Variants in KIF2B observed in about 807,000 individuals in gnomAD.
The protein encoded by KIF2B is kinesin family member 2B.
Under a neutral mutation model 6.8 loss-of-function variants are expected in KIF2B, and 5 were observed. The ratio of observed to expected loss-of-function variants is 0.74; its 90% CI spans 0.39 to 1.55. KIF2B has a LOEUF of 1.55. Among genes scored for constraint, KIF2B ranks in the 40% most tolerant of loss-of-function variants. The probability of loss-of-function intolerance (pLI) is 0.03; values close to 1 mark genes in which losing one functional copy is unlikely to be tolerated. For synonymous variants in KIF2B, 370 were observed against 330.7 expected, an observed-to-expected ratio of 1.12 and a Z score of -1.29; for missense variants, 908 against 831.3, an observed-to-expected ratio of 1.09 and a Z score of -1.13.
chr17:53,825,105 AC>A lies in KIF2B; in HGVS notation c.*52del. Reference sequence around the variant, plus strand: ...GAAATGCTGCATTGCTGCAGTTTCCACCACTCTTATACAGGAAAACTGTCCA... The same window carrying A: ...GAAATGCTGCATTGCTGCAGTTTCCACACTCTTATACAGGAAAACTGTCCA... On this transcript the variant is annotated 3_prime_UTR_variant, in exon 1 of 1. Transcript: ENST00000268919. 1 of 1,347,396 alleles carries A rather than the reference AC, an allele frequency of 7.4e-7. No individual in the cohort carries two copies. The highest frequency in any genetic ancestry group is 1.0e-6 in the Non-Finnish European group (1 of 971,454). 83.5% of individuals were successfully genotyped at this position (1,347,396 alleles called of 1,614,324 possible).
At position 53,824,453 on chromosome 17, in the gene KIF2B, A is replaced by G; in HGVS notation, c.1420A>G (p.Ser474Gly). The change falls in exon 1 of 1, where the codon AGT (serine) becomes GGT (glycine). Residue 474 changes from serine to glycine, a missense_variant. Ser to Gly is a moderately conservative substitution (Grantham distance 56). Coordinates refer to ENST00000268919, the MANE Select transcript of KIF2B (RefSeq NM_032559.5). ...GCTGGAAGGGGCAGAGATTAACAAGAGTCTTCTAGCCCTCAAAGAATGTAT... is the reference window on the plus strand; with the variant it reads ...GCTGGAAGGGGCAGAGATTAACAAGGGTCTTCTAGCCCTCAAAGAATGTAT... ...RQLEGAEINK[S>G]LLALKECILA... The G allele has an allele frequency of 6.2e-7, 1 of 1,614,124 alleles. No homozygotes were observed. The highest frequency in any genetic ancestry group is 8.5e-7 in the Non-Finnish European group (1 of 1,180,016).
At position 53,825,125 on chromosome 17, in the gene KIF2B, C is replaced by A; in HGVS notation, c.*70C>A. 2.0e-6 allele frequency: 2 copies of A among 999,796 alleles called. No homozygotes were observed. The highest frequency in any genetic ancestry group is 2.8e-6 in the Non-Finnish European group (2 of 711,010). 61.9% of individuals were successfully genotyped at this position (999,796 alleles called of 1,614,324 possible). On this transcript the variant is annotated 3_prime_UTR_variant, in exon 1 of 1. Coordinates refer to ENST00000268919, the MANE Select transcript of KIF2B (RefSeq NM_032559.5). ...TTTCCACCACTCTTATACAGGAAAA[C>A]TGTCCAAATTATCTAAAGATCCTCC... is the stretch of plus-strand genomic sequence containing the variant.
chr17:53,823,970 A>G lies in KIF2B; in HGVS notation c.937A>G (p.Met313Val), dbSNP rs1227693961. ...GQTGSGKTYTMGGDFSGTAQD... is the reference protein window; with the variant it reads ...GQTGSGKTYTVGGDFSGTAQD... ...GACGGGAAGTGGGAAGACGTACACC[A>G]TGGGTGGAGACTTTTCAGGAACGGC... Residue 313 changes from methionine to valine, a missense_variant, in exon 1 of 1, where the codon ATG becomes GTG. Transcript: ENST00000268919. 1.9e-6 allele frequency: 3 copies of G among 1,614,222 alleles called. No individual in the cohort carries two copies. Among genetic ancestry groups the G allele is most frequent in the Admixed American group, 1.7e-5 (1 of 60,020 alleles).
Position 53,823,102 on chromosome 17 carries a change from C to T in KIF2B, c.69C>T (p.Phe23=), listed in dbSNP as rs777744072. The change falls in exon 1 of 1, where the codon TTC becomes TTT. Residue 23 remains phenylalanine, a synonymous_variant. Coordinates refer to ENST00000268919, the MANE Select transcript of KIF2B (RefSeq NM_032559.5). ...LSPLKPLKPH[F]GDIQEGIYVA... Reference sequence around the variant, plus strand: ...CCCTGAAACCCTTGAAGCCACATTTCGGAGACATCCAAGAGGGCATCTACG... The same window carrying T: ...CCCTGAAACCCTTGAAGCCACATTTTGGAGACATCCAAGAGGGCATCTACG... 52 of 1,614,066 alleles carry T rather than the reference C, an allele frequency of 3.2e-5. No homozygotes were observed. The highest frequency in any genetic ancestry group is 4.2e-5 in the Non-Finnish European group (49 of 1,180,046).
Position 53,823,793 on chromosome 17 carries a change from G to T in KIF2B, c.760G>T (p.Asp254Tyr), listed in dbSNP as rs142732898. The stretch of plus-strand genomic sequence containing the variant: ...GGTGCATGAGTCCAAGCAAAAGGTG[G>T]ACCTCACTCGCTACCTGCAGAACCA... ...VMVHESKQKV[D>Y]LTRYLQNQTF... The change falls in exon 1 of 1, where the codon GAC (aspartate) becomes TAC (tyrosine). Residue 254 changes from aspartate to tyrosine, a missense_variant. Physicochemically the swap from Asp to Tyr is radical, Grantham distance 160. Transcript: ENST00000268919. 1.5e-4 allele frequency: 250 copies of T among 1,614,176 alleles called. 1 individual carries two copies. The African/African-American group carries it at 3.0e-3, about 19-fold the overall frequency.
Position 53,823,716 on chromosome 17 carries a change from C to A in KIF2B, c.683C>A (p.Thr228Lys), listed in dbSNP as rs2143781296. The change falls in exon 1 of 1, where the codon ACA becomes AAA. Residue 228 changes from threonine (T) to lysine (K), a missense_variant. Transcript: ENST00000268919. ...VRKRPLNQRETTLKDLDIITV... is the reference protein window; with the variant it reads ...VRKRPLNQREKTLKDLDIITV... ...AAGCGGCCTCTCAACCAGCGAGAGA[C>A]AACCTTAAAGGACCTGGATATCATC... 1 of 1,614,198 alleles carries A rather than the reference C, an allele frequency of 6.2e-7. No homozygotes were observed. Among genetic ancestry groups the A allele is most frequent in the Non-Finnish European group, 8.5e-7 (1 of 1,180,034 alleles).
At position 53,823,924 on chromosome 17, in the gene KIF2B, C is replaced by T. The variant is rs1472497943; in HGVS notation, c.891C>T (p.Ala297=). 2 of 1,614,104 alleles carry T rather than the reference C, an allele frequency of 1.2e-6. No homozygotes were observed. The highest frequency in any genetic ancestry group is 1.7e-6 in the Non-Finnish European group (2 of 1,180,058). ...LVESIFRKGM[A]TCFAYGQTGS... Reference sequence around the variant, plus strand: ...AGTCCATCTTCCGCAAGGGCATGGCCACCTGCTTTGCCTATGGGCAGACGG... The same window carrying T: ...AGTCCATCTTCCGCAAGGGCATGGCTACCTGCTTTGCCTATGGGCAGACGG... The change falls in exon 1 of 1, where the codon GCC becomes GCT. Residue 297 remains alanine, a synonymous_variant. Coordinates refer to ENST00000268919, the MANE Select transcript of KIF2B (RefSeq NM_032559.5).
chr17:53,823,075 GC>G lies in KIF2B; in HGVS notation c.46del (p.Leu16Ter), dbSNP rs771625502. ...FCLPESPCLSPLKPLKPHFGD... is the reference protein window; with the variant it reads ...FCLPESPCLSXLKPLKPHFGD... ...GCCTCCCTGAATCCCCATGTCTCTC[GC>G]CCCTGAAACCCTTGAAGCCACATTT... On this transcript the variant is annotated frameshift_variant, in exon 1 of 1. Transcript: ENST00000268919. LOFTEE classifies it low-confidence loss of function (END_TRUNC). 6.2e-7 allele frequency: 1 copy of G among 1,614,028 alleles called. No individual in the cohort carries two copies. The highest frequency in any genetic ancestry group is 8.5e-7 in the Non-Finnish European group (1 of 1,180,002).
In KIF2B at chr17:53,824,800, T is replaced by G; in HGVS notation, c.1767T>G (p.Ser589Arg). ...TTATTAAAATACCTTATGTACAGAGTGAGGAGCAGAAAGAGATTGAAGAGG... is the reference window on the plus strand; with the variant it reads ...TTATTAAAATACCTTATGTACAGAGGGAGGAGCAGAAAGAGATTGAAGAGG... ...DEFIKIPYVQ[S>R]EEQKEIEEVE... Residue 589 changes from serine (S) to arginine (R), a missense_variant, in exon 1 of 1, where the codon AGT (serine) becomes AGG (arginine). Ser to Arg is a moderately radical substitution (Grantham distance 110). Coordinates refer to ENST00000268919, the MANE Select transcript of KIF2B (RefSeq NM_032559.5). The G allele has an allele frequency of 1.9e-6, 3 of 1,613,514 alleles. No individual in the cohort carries two copies. The highest frequency in any genetic ancestry group is 4.5e-5 in the East Asian group (2 of 44,862).
chr17:53,823,248 AC>A lies in KIF2B; in HGVS notation c.217del (p.Leu73TrpfsTer7). ...EKAVKKGKKI[D>X]LETILLLNPA... ...GCAGTCAAAAAAGGCAAGAAGATTGACCTGGAGACCATACTCCTGCTGAATC... is the reference window on the plus strand; with the variant it reads ...GCAGTCAAAAAAGGCAAGAAGATTGACTGGAGACCATACTCCTGCTGAATC... On this transcript the variant is annotated frameshift_variant, in exon 1 of 1. Coordinates refer to ENST00000268919, the MANE Select transcript of KIF2B (RefSeq NM_032559.5). LOFTEE classifies it low-confidence loss of function (END_TRUNC). 1 of 1,614,138 alleles carries A rather than the reference AC, an allele frequency of 6.2e-7. No individual in the cohort carries two copies. Among genetic ancestry groups the A allele is most frequent in the Non-Finnish European group, 8.5e-7 (1 of 1,180,020 alleles).
rs2143777632 is a variant in KIF2B, at chr17:53,823,095, C to T, written c.62C>T (p.Pro21Leu). ...PCLSPLKPLK[P>L]HFGDIQEGIY... ...CTCTCGCCCCTGAAACCCTTGAAGC[C>T]ACATTTCGGAGACATCCAAGAGGGC... is the stretch of plus-strand genomic sequence containing the variant. The change falls in exon 1 of 1, where the codon CCA becomes CTA. Residue 21 changes from proline to leucine, a missense_variant. Transcript: ENST00000268919. The T allele has an allele frequency of 1.2e-6, 2 of 1,614,202 alleles. No individual in the cohort carries two copies. The highest frequency in any genetic ancestry group is 1.7e-6 in the Non-Finnish European group (2 of 1,180,044).
rs182252239 is a variant in KIF2B at position 53,824,993 on chromosome 17, G to T, written c.1960G>T (p.Glu654Ter). ...ILEQKIDALT[E>*]IQKKLKLLLA... The stretch of plus-strand genomic sequence containing the variant: ...GGAGCAGAAAATTGATGCTCTGACC[G>T]AGATCCAAAAGAAACTGAAATTATT... The change falls in exon 1 of 1, where the codon GAG (glutamate) becomes TAG (stop). Residue 654 changes from glutamate to a stop codon, truncating the protein, a stop_gained. Transcript: ENST00000268919. LOFTEE classifies it high-confidence loss of function. 1.2e-5 allele frequency: 19 copies of T among 1,613,804 alleles called. No individual in the cohort carries two copies. Among genetic ancestry groups the T allele is most frequent in the Non-Finnish European group, 1.4e-5 (17 of 1,179,978 alleles).
Position 53,824,619 on chromosome 17 carries a change from A to G in KIF2B, c.1586A>G (p.Asn529Ser), listed in dbSNP as rs2143786164. The change falls in exon 1 of 1, where the codon AAC becomes AGC. Residue 529 changes from asparagine (N) to serine (S), a missense_variant. Transcript: ENST00000268919. ...TCTCCGGGGATGACCTCTTGTGAAAACACTCTCAACACTTTAAGATATGCA... is the reference window on the plus strand; with the variant it reads ...TCTCCGGGGATGACCTCTTGTGAAAGCACTCTCAACACTTTAAGATATGCA... ...TISPGMTSCE[N>S]TLNTLRYANR... 1 of 1,614,110 alleles carries G rather than the reference A, an allele frequency of 6.2e-7. No homozygotes were observed. Among genetic ancestry groups the G allele is most frequent in the South Asian group, 1.1e-5 (1 of 91,078 alleles).
Position 53,823,039 on chromosome 17 carries a change from C to T in KIF2B, c.6C>T (p.Ala2=), listed in dbSNP as rs770984978. ...TGATACCTCCATCACTCACCATGGC[C>T]AGCCAGTTCTGCCTCCCTGAATCCC... The part of the protein sequence containing the change: M[A]SQFCLPESPC... The change falls in exon 1 of 1, where the codon GCC becomes GCT. Residue 2 remains alanine, a synonymous_variant. Transcript: ENST00000268919. 1.1e-5 allele frequency: 17 copies of T among 1,612,854 alleles called. No homozygotes were observed. The highest frequency in any genetic ancestry group is 1.6e-4 in the Middle Eastern group (1 of 6,078).
Position 53,824,661 on chromosome 17 carries a change from T to G in KIF2B, c.1628T>G (p.Leu543Ter). Residue 543 changes from leucine to a stop codon, truncating the protein, a stop_gained, in exon 1 of 1, where the codon TTA becomes TGA. Transcript: ENST00000268919. LOFTEE classifies it low-confidence loss of function (END_TRUNC). Reference sequence around the variant, plus strand: ...AGATATGCAAACAGAGTAAAAAAATTAAATGTAGATGTAAGGCCCTACCAT... The same window carrying G: ...AGATATGCAAACAGAGTAAAAAAATGAAATGTAGATGTAAGGCCCTACCAT... ...TLRYANRVKK[L>*]NVDVRPYHRG... 2 of 1,614,034 alleles carry G rather than the reference T, an allele frequency of 1.2e-6. No homozygotes were observed. Among genetic ancestry groups the G allele is most frequent in the Non-Finnish European group, 1.7e-6 (2 of 1,180,022 alleles).
Position 53,824,194 on chromosome 17 carries a change from C to G in KIF2B, c.1161C>G (p.Val387=). 1 of 1,614,080 alleles carries G rather than the reference C, an allele frequency of 6.2e-7. No individual in the cohort carries two copies. The highest frequency in any genetic ancestry group is 1.7e-5 in the Admixed American group (1 of 60,008). ...LEDGNQQIQV[V]GLQEKEVCCV... ...ATGGCAATCAGCAAATCCAAGTGGT[C>G]GGGCTGCAGGAGAAAGAGGTGTGTT... Residue 387 remains valine, a synonymous_variant, in exon 1 of 1, where the codon GTC becomes GTG. Coordinates refer to ENST00000268919, the MANE Select transcript of KIF2B (RefSeq NM_032559.5).
At position 53,825,043 on chromosome 17, in the gene KIF2B, CA is replaced by C. The variant is rs1906531540; in HGVS notation, c.2012del (p.Lys671ArgfsTer2). On this transcript the variant is annotated frameshift_variant, in exon 1 of 1. Coordinates refer to ENST00000268919, the MANE Select transcript of KIF2B (RefSeq NM_032559.5). LOFTEE classifies it high-confidence loss of function. ...LLLADLHVKS[K>X]VE ...TACTAGCTGACCTCCACGTGAAGAGCAAGGTAGAGTGAAGCCAATGGCGAGA... is the reference window on the plus strand; with the variant it reads ...TACTAGCTGACCTCCACGTGAAGAGCAGGTAGAGTGAAGCCAATGGCGAGA... 3.7e-6 allele frequency: 6 copies of C among 1,606,664 alleles called. No individual in the cohort carries two copies. The East Asian group carries it at 1.3e-4, about 36-fold the overall frequency.
rs1489009342 is a variant in KIF2B, at chr17:53,825,041, A to G, written c.2008A>G (p.Ser670Gly). The G allele has an allele frequency of 1.2e-6, 2 of 1,607,050 alleles. No homozygotes were observed. The highest frequency in any genetic ancestry group is 2.2e-5 in the South Asian group (2 of 89,644). Reference protein sequence around the residue: ...KLLLADLHVKSKVE With the variant: ...KLLLADLHVKGKVE ...ATTACTAGCTGACCTCCACGTGAAG[A>G]GCAAGGTAGAGTGAAGCCAATGGCG... The change falls in exon 1 of 1, where the codon AGC becomes GGC. Residue 670 changes from serine (S) to glycine (G), a missense_variant. Ser to Gly is a moderately conservative substitution (Grantham distance 56, BLOSUM62 0). Transcript: ENST00000268919.
At position 53,824,508 on chromosome 17, in the gene KIF2B, C is replaced by G. The variant is rs374451533; in HGVS notation, c.1475C>G (p.Thr492Ser). 1.4e-5 allele frequency: 22 copies of G among 1,613,998 alleles called. No individual in the cohort carries two copies. The highest frequency in any genetic ancestry group is 1.9e-5 in the Non-Finnish European group (22 of 1,180,038). The change falls in exon 1 of 1, where the codon ACC becomes AGC. Residue 492 changes from threonine to serine, a missense_variant. By Grantham distance (58) the Thr-to-Ser change is moderately conservative. Transcript: ENST00000268919. Reference sequence around the variant, plus strand: ...GCTTTGGGTCAGAACAAGCCTCACACCCCATTCAGAGCCAGCAAACTCACA... The same window carrying G: ...GCTTTGGGTCAGAACAAGCCTCACAGCCCATTCAGAGCCAGCAAACTCACA... ...ILALGQNKPH[T>S]PFRASKLTLV...
Sources: allele counts gnomAD v4.1 joint callset, GRCh38; gene constraint gnomAD v4.1.1; transcripts MANE v1.5; gene names NCBI Gene and HGNC (gene_info 2026-07-23, HGNC 2026-07-21).